The following SFI1 variants were observed in gnomAD, a reference collection of about 807,000 sequenced individuals.
The protein encoded by SFI1 is protein SFI1 homolog.
In SFI1, 195 loss-of-function variants were observed where a neutral mutation model predicts 207.5. The ratio of observed to expected loss-of-function variants is 0.94; its 90% confidence interval spans 0.84 to 1.06. The LOEUF is 1.06. SFI1 is among the 50% of genes least tolerant of loss of function. The pLI is 0.00. For synonymous variants in SFI1, 630 were observed against 598.9 expected, an observed-to-expected ratio of 1.05 and a Z score of -0.76; for missense variants, 1,634 against 1,588.0, an observed-to-expected ratio of 1.03 and a Z score of -0.49.
intron 15 of SFI1, among the ~76,000 whole-genome samples, chr22:31,597,191 G>A (rs1391428838): frequency 2.0e-5 from 3 of 152,170 alleles, no homozygotes; most frequent in African/African-American, 7.2e-5. Context: ...AAAATTAAAA[G>A]TACCTTCCAA....
intron 8 of SFI1, among the ~76,000 whole-genome samples, chr22:31,570,243 C>T (rs1036381470): frequency 5.3e-5 from 8 of 152,228 alleles, no homozygotes; most frequent in Admixed American, 2.6e-4. Context: ...GATAAGAAGA[C>T]GGTGGTTGGA....
chr22:31,569,705 T>G (rs1356729411), intron 8 of SFI1, among the ~76,000 whole-genome samples: 2 of 152,108 alleles, frequency 1.3e-5, no homozygotes, highest in Non-Finnish European at 2.9e-5. Context: ...CCCAGCACTT[T>G]GGGAAGCCAA....
chr22:31,612,297 G>T (rs934415283), intron 24 of SFI1: 1 of 149,234 alleles, frequency 6.7e-6, no homozygotes, highest in Admixed American at 6.8e-5. Flanking sequence ...GGAGAATGGC[G>T]TGAACCTGGG....
At chr22:31,501,552 A>G (rs1430364146) in intron 1 of SFI1, among the ~76,000 whole-genome samples, 1 of 152,102 alleles carries the variant, frequency 6.6e-6, no homozygotes, top group Non-Finnish European at 1.5e-5. Context: ...AACTCTCAGT[A>G]TCTCTGAGGT....
chr22:31,587,827 A>G (rs1023933688), intron 14 of SFI1: 1 of 152,232 alleles, frequency 6.6e-6, no homozygotes, highest in Non-Finnish European at 1.5e-5. Context: ...ATAGAAAAGC[A>G]ATGTGTAGAT....
intron 6 of SFI1, among the ~76,000 whole-genome samples, chr22:31,554,547 A>C (rs2060973141): frequency 1.3e-5 from 2 of 149,276 alleles, no homozygotes. Context: ...TGACCTCGTG[A>C]TCCGCCCACC....
chr22:31,591,357 A>G (rs1003617084), intron 15 of SFI1, among the ~76,000 whole-genome samples: 10 of 152,198 alleles, frequency 6.6e-5, no homozygotes, highest in Non-Finnish European at 1.2e-4. Context: ...AAAGTCTCCC[A>G]TGTCTACTCC....
chr22:31,616,601 A>C, intron 29 of SFI1, 144 bp from the exon 30 acceptor site: 1 of 834,898 alleles, frequency 1.2e-6, no homozygotes, highest in Non-Finnish European at 1.8e-6. Context: ...TGGCACGGCC[A>C]GTGCCTGGGA....
intron 2 of SFI1, among the ~76,000 whole-genome samples, chr22:31,515,461 C>T (rs2056359034): frequency 6.7e-6 from 1 of 150,178 alleles, no homozygotes. Flanking sequence ...AATCCTCCTT[C>T]CTCAGCCTCC....
At chr22:31,603,021 T>G (rs1206818969) in intron 17 of SFI1, among the ~76,000 whole-genome samples, 1 of 151,984 alleles carries the variant, frequency 6.6e-6, no homozygotes, top group African/African-American at 2.4e-5. Flanking sequence ...TCACCAGAGG[T>G]CAGGAGTTCG....
intron 2 of SFI1, among the ~76,000 whole-genome samples, chr22:31,519,530 G>C (rs956341493): frequency 6.6e-6 from 1 of 151,830 alleles, no homozygotes; most frequent in Non-Finnish European, 1.5e-5. Flanking sequence ...TCTGCCTCGT[G>C]GGTTCAAGCA....
chr22:31,565,066 G>T (rs1032314600), intron 8 of SFI1, among the ~76,000 whole-genome samples: 1 of 143,512 alleles, frequency 7.0e-6, no homozygotes, highest in Non-Finnish European at 1.5e-5. Context: ...CTCGTGATCC[G>T]CCTGCCTTGG....
intron 1 of SFI1, among the ~76,000 whole-genome samples, chr22:31,508,027 G>T (rs1044012395): frequency 6.6e-6 from 1 of 152,082 alleles, no homozygotes; most frequent in Non-Finnish European, 1.5e-5. Context: ...AGTGAGCTGA[G>T]ATCGTGCCAC....
intron 22 of SFI1, 135 bp downstream of exon 22, chr22:31,608,168 C>T: frequency 1.5e-6 from 1 of 645,964 alleles, no homozygotes; most frequent in Non-Finnish European, 2.7e-6. Flanking sequence ...CAAAGTACCA[C>T]AGACTGGGAG....
chr22:31,546,019 G>C (rs1365375585), intron 4 of SFI1, among the ~76,000 whole-genome samples: 1 of 150,194 alleles, frequency 6.7e-6, no homozygotes, highest in South Asian at 2.1e-4. Flanking sequence ...CAGCCTCCCA[G>C]GTAGCTGGGA....
At chr22:31,537,403 C>T (rs560986443) in intron 4 of SFI1, among the ~76,000 whole-genome samples, 19 of 152,180 alleles carry the variant, frequency 1.2e-4, no homozygotes, top group Non-Finnish European at 7.3e-5. Flanking sequence ...TGGATACTTA[C>T]GAGAAAAAGG....
chr22:31,535,226 G>A (rs1012633350), intron 4 of SFI1, among the ~76,000 whole-genome samples: 9 of 134,442 alleles, frequency 6.7e-5, no homozygotes, highest in South Asian at 2.3e-4. Flanking sequence ...TGCTTGCTCC[G>A]TTGCCCAGGC....
Position 31,611,233 on chromosome 22 carries a change from AC to A in SFI1, c.2347del (p.His783ThrfsTer118). 2 of 1,613,544 alleles carry A rather than the reference AC, an allele frequency of 1.2e-6. No homozygotes were observed. The highest frequency in any genetic ancestry group is 1.7e-6 in the Non-Finnish European group (2 of 1,179,844). On this transcript the variant is annotated frameshift_variant, in exon 23 of 33. Coordinates refer to ENST00000400288, the MANE Select transcript of SFI1 (RefSeq NM_001007467.3). LOFTEE classifies it high-confidence loss of function. ...CAGCTGGAGAGGGCAGTGCAACACC[AC>A]CACCGGCAGCTGCTGCTGGAGGGGC... is the stretch of plus-strand genomic sequence containing the variant. ...RLQLERAVQH[H>X]HRQLLLEGLA...
chr22:31,521,211 CTGT>C (rs1449394583), intron 2 of SFI1: 2 of 174,692 alleles, frequency 1.1e-5, no homozygotes, highest in East Asian at 3.2e-4. Context: ...ACATAGTCTT[CTGT>C]TGTTCTTTCT....
Sources: gnomAD v4.1 joint callset for allele counts (sites outside exome capture counted in the v4.1 genomes callset) on GRCh38, gnomAD v4.1.1 for gene constraint, MANE v1.5 for transcripts, NCBI Gene and HGNC (gene_info 2026-07-23, HGNC 2026-07-21) for gene names.